BCKDHB: variants seen among roughly 807,000 people sequenced by gnomAD.
The protein encoded by BCKDHB is 2-oxoisovalerate dehydrogenase subunit beta, mitochondrial.
A neutral mutation model predicts 48.5 loss-of-function variants in BCKDHB; 41 were observed. That is an observed-to-expected ratio of 0.85 (90% CI 0.66 to 1.10). BCKDHB has a LOEUF of 1.10. BCKDHB is among the 50% of genes least tolerant of loss of function. BCKDHB has a pLI of 0.00. For synonymous variants in BCKDHB, 201 were observed against 174.8 expected (o/e 1.15, Z -1.18); for missense variants, 496 against 494.2 (o/e 1.00, Z -0.03).
chr6:80,390,638 G>A, the BCKDHB span, among the ~76,000 whole-genome samples: 1 of 152,050 alleles, frequency 6.6e-6, no homozygotes, highest in African/African-American at 2.4e-5. Context: ...GTGCGTTTCC[G>A]GTTGTACGGA....
chr6:80,377,105 A>G, the BCKDHB span, among the ~76,000 whole-genome samples: 1 of 149,458 alleles, frequency 6.7e-6, no homozygotes, highest in Non-Finnish European at 1.5e-5. Context: ...TAGTGGTACA[A>G]TCTTGGCTCA....
chr6:80,240,933 G>T (rs1776357936), intron 8 of BCKDHB, among the ~76,000 whole-genome samples: 1 of 152,128 alleles, frequency 6.6e-6, no homozygotes, highest in Admixed American at 6.5e-5. Flanking sequence ...ATATTTCTTA[G>T]AGGCTTTTTT....
chr6:80,252,718 T>G (rs1776883448), intron 8 of BCKDHB, among the ~76,000 whole-genome samples: 1 of 152,172 alleles, frequency 6.6e-6, no homozygotes, highest in East Asian at 1.9e-4. Flanking sequence ...AACATTGAAA[T>G]TTTTACAAAG....
At chr6:80,170,919 A>C (rs1006999350) in intron 5 of BCKDHB, among the ~76,000 whole-genome samples, 1 of 152,166 alleles carries the variant, frequency 6.6e-6, no homozygotes, top group Non-Finnish European at 1.5e-5. Context: ...ACAGATTATT[A>C]GTAGAAGAGA....
rs202233546 is a variant in BCKDHB, at chr6:80,203,971, T to G, written c.951+759T>G. On this transcript the variant is annotated intron_variant, in intron 8 of 9. Transcript: ENST00000320393. ...TCAATTAAGTCTAGCTACATGTAAA[T>G]TATATGTACCTAGTCTTAATAGATA... Among the ~76,000 whole-genome samples, 12 of 127,298 alleles carry G rather than the reference T, an allele frequency of 9.4e-5. No homozygotes were observed. In the East Asian group the frequency reaches 1.9e-3, roughly 20 times the overall value. 83.5% of individuals were successfully genotyped at this position (127,298 alleles called of 152,430 possible).
chr6:80,413,156 G>A, the BCKDHB span, among the ~76,000 whole-genome samples: 1 of 151,802 alleles, frequency 6.6e-6, no homozygotes, highest in Non-Finnish European at 1.5e-5. Context: ...TTACTTGATG[G>A]TGCCCTATAA....
the BCKDHB span, among the ~76,000 whole-genome samples, chr6:80,379,588 C>G: frequency 1.3e-5 from 2 of 151,808 alleles, no homozygotes; most frequent in African/African-American, 4.8e-5. Context: ...TACTGGTAGC[C>G]CAAGCCAGAA....
At chr6:80,321,308 C>A (rs973088674) in intron 9 of BCKDHB, among the ~76,000 whole-genome samples, 3 of 152,170 alleles carry the variant, frequency 2.0e-5, no homozygotes, top group Non-Finnish European at 4.4e-5. Context: ...AACAGAATAT[C>A]ATATGTCTCC....
intron 5 of BCKDHB, chr6:80,169,807 C>G: frequency 6.2e-7 from 1 of 1,604,140 alleles, no homozygotes; most frequent in Non-Finnish European, 8.5e-7. Flanking sequence ...GTTTTTTCTA[C>G]CAGATCAAAG....
intron 1 of BCKDHB, among the ~76,000 whole-genome samples, chr6:80,114,245 ATT>A (rs772020442): frequency 1.7e-4 from 24 of 141,896 alleles, no homozygotes; most frequent in South Asian, 4.5e-4. Flanking sequence ...GTAGTGCTAG[ATT>A]TTTTTTTTTT....
At chr6:80,170,197 A>C (rs1772833327) in intron 5 of BCKDHB, among the ~76,000 whole-genome samples, 1 of 152,210 alleles carries the variant, frequency 6.6e-6, no homozygotes, top group Non-Finnish European at 1.5e-5. Flanking sequence ...AACAGAAAAT[A>C]AAATTTTTTA....
At chr6:80,296,541 T>C (rs1242682074) in intron 9 of BCKDHB, among the ~76,000 whole-genome samples, 2 of 152,206 alleles carry the variant, frequency 1.3e-5, no homozygotes, top group East Asian at 3.8e-4. Flanking sequence ...TTTACATTAG[T>C]GTGCTATTAT....
At chr6:80,310,978 C>T (rs1768123748) in intron 9 of BCKDHB, among the ~76,000 whole-genome samples, 1 of 152,014 alleles carries the variant, frequency 6.6e-6, no homozygotes, top group African/African-American at 2.4e-5. Flanking sequence ...GTTTAAGTTC[C>T]TTATAAATGC....
intron 8 of BCKDHB, among the ~76,000 whole-genome samples, chr6:80,212,633 G>A (rs1774991783): frequency 1.3e-5 from 2 of 152,110 alleles, no homozygotes; most frequent in Admixed American, 1.3e-4. Flanking sequence ...AGTTTACGAA[G>A]ATAACAGGAT....
At chr6:80,391,031 G>T in the BCKDHB span, among the ~76,000 whole-genome samples, 4 of 152,042 alleles carry the variant, frequency 2.6e-5, no homozygotes, top group African/African-American at 9.7e-5. Context: ...CTTGAACATT[G>T]GACTCCAAGT....
At chr6:80,414,458 T>A in the BCKDHB span, among the ~76,000 whole-genome samples, 3 of 152,184 alleles carry the variant, frequency 2.0e-5, no homozygotes, top group African/African-American at 7.2e-5. Flanking sequence ...CTATCTTAAT[T>A]TTTGTATGTG....
chr6:80,133,955 T>A (rs1480281044), intron 3 of BCKDHB, among the ~76,000 whole-genome samples: 3 of 152,188 alleles, frequency 2.0e-5, no homozygotes, highest in Non-Finnish European at 4.4e-5. Context: ...ACACATGCTT[T>A]CATTCATATA....
the BCKDHB span, among the ~76,000 whole-genome samples, chr6:80,386,987 C>G: frequency 5.9e-5 from 9 of 152,174 alleles, no homozygotes; most frequent in Non-Finnish European, 8.8e-5. Context: ...CCCATCCCCC[C>G]CCAAGGAGAC....
intron 8 of BCKDHB, among the ~76,000 whole-genome samples, chr6:80,263,959 A>G (rs1777407410): frequency 6.6e-6 from 1 of 152,188 alleles, no homozygotes; most frequent in South Asian, 2.1e-4. Context: ...TTACGAATTG[A>G]AAAGCAGAGG....
Sources: gnomAD v4.1 joint callset for allele counts (sites outside exome capture counted in the v4.1 genomes callset) on GRCh38, gnomAD v4.1.1 for gene constraint, MANE v1.5 for transcripts, NCBI Gene and HGNC (gene_info 2026-07-23, HGNC 2026-07-21) for gene names.